Variants in CNTNAP4 observed in about 807,000 individuals in gnomAD.
CNTNAP4 encodes contactin associated protein family member 4, also known as contactin-associated protein-like 4.
CNTNAP4 carries 98 observed loss-of-function variants against 148.4 expected under a neutral mutation model. The observed-to-expected ratio is 0.66, with a 90% CI of 0.56 to 0.78. The LOEUF is 0.78. Among genes scored for constraint, CNTNAP4 ranks in the 30% least tolerant of loss-of-function variants. The pLI is 0.00. For missense variants in CNTNAP4, 1,935 were observed against 1,565.6 expected (o/e 1.24, Z -3.98); for synonymous variants, 730 against 565.1 (o/e 1.29, Z -4.14).
intron 3 of CNTNAP4, among the ~76,000 whole-genome samples, chr16:76,387,424 C>T (rs2016605846): frequency 6.6e-6 from 1 of 152,106 alleles, no homozygotes; most frequent in South Asian, 2.1e-4. Context: ...CTTTTGCAAC[C>T]AATAGTCTCT....
intron 1 of CNTNAP4, among the ~76,000 whole-genome samples, chr16:76,297,173 C>T (rs1166021977): frequency 6.6e-6 from 1 of 152,178 alleles, no homozygotes; most frequent in African/African-American, 2.4e-5. Context: ...CTTTAGAAAG[C>T]TATTTTAATT....
chr16:76,505,144 T>C (rs1470230998), intron 15 of CNTNAP4, among the ~76,000 whole-genome samples: 1 of 152,150 alleles, frequency 6.6e-6, no homozygotes, highest in Non-Finnish European at 1.5e-5. Flanking sequence ...AAAATCTATA[T>C]GCATATAGTC....
chr16:76,508,270 A>G (rs2143972518), intron 15 of CNTNAP4, among the ~76,000 whole-genome samples: 1 of 97,308 alleles, frequency 1.0e-5, no homozygotes, highest in Admixed American at 1.0e-4. Context: ...AAGTAAATAT[A>G]TACTTTTACT....
intron 2 of CNTNAP4, among the ~76,000 whole-genome samples, chr16:76,333,182 C>G (rs185628981): frequency 6.6e-6 from 1 of 152,148 alleles, no homozygotes; most frequent in Non-Finnish European, 1.5e-5. Context: ...CAGGTCAGGT[C>G]GTGCCATACC....
intron 2 of CNTNAP4, among the ~76,000 whole-genome samples, chr16:76,336,459 T>A (rs996697336): frequency 6.6e-6 from 1 of 152,168 alleles, no homozygotes; most frequent in African/African-American, 2.4e-5. Flanking sequence ...AAGAAAAAGT[T>A]ATTAAACACT....
chr16:76,332,648 G>A (rs892710844), intron 2 of CNTNAP4, among the ~76,000 whole-genome samples: 3 of 151,856 alleles, frequency 2.0e-5, no homozygotes, highest in Admixed American at 1.3e-4. Context: ...CTATCCTTCT[G>A]AGATTCCCAT....
At chr16:76,437,721 G>C (rs1046108765) in intron 4 of CNTNAP4, among the ~76,000 whole-genome samples, 4 of 152,082 alleles carry the variant, frequency 2.6e-5, no homozygotes, top group Admixed American at 2.6e-4. Flanking sequence ...TGAACCTCCA[G>C]GTAACCAGAT....
At position 76,355,445 on chromosome 16, in the gene CNTNAP4, C is replaced by T; in HGVS notation, c.324C>T (p.Ser108=). The T allele has an allele frequency of 6.2e-7, 1 of 1,613,262 alleles. No homozygotes were observed. The highest frequency in any genetic ancestry group is 2.2e-5 in the East Asian group (1 of 44,760). ...GGYGSSNWVT[S]YLLMFSDSGW... Reference sequence around the variant, plus strand: ...ATGGTAGCTCCAACTGGGTGACCAGCTACCTCCTGATGTTCAGTGATAGTG... The same window carrying T: ...ATGGTAGCTCCAACTGGGTGACCAGTTACCTCCTGATGTTCAGTGATAGTG... Residue 108 remains serine (S), a synonymous_variant, in exon 3 of 24, where the codon AGC becomes AGT. Transcript: ENST00000611870.
chr16:76,307,539 T>TATATATATAC (rs558814796), intron 1 of CNTNAP4, among the ~76,000 whole-genome samples: 3,641 of 118,880 alleles, frequency 0.031, 414 homozygotes, highest in East Asian at 0.067. Flanking sequence ...TATATATATA[T>TATATATATAC]ACCAAACTCC....
chr16:76,307,240 C>T (rs2143992515), intron 1 of CNTNAP4, among the ~76,000 whole-genome samples: 1 of 151,946 alleles, frequency 6.6e-6, no homozygotes, highest in Middle Eastern at 3.4e-3. Context: ...TAATGACAGA[C>T]AATTTGCAGG....
intron 3 of CNTNAP4, among the ~76,000 whole-genome samples, chr16:76,401,243 A>G (rs569746536): frequency 6.6e-6 from 1 of 152,056 alleles, no homozygotes; most frequent in Non-Finnish European, 1.5e-5. Flanking sequence ...CTCATTGTAG[A>G]GATCTTTTGC....
intron 15 of CNTNAP4, among the ~76,000 whole-genome samples, chr16:76,500,250 G>A (rs905259827): frequency 5.3e-5 from 8 of 152,098 alleles, no homozygotes; most frequent in Non-Finnish European, 8.8e-5. Context: ...CCTTCCGGAC[G>A]GGGCGGCTGG....
intron 3 of CNTNAP4, among the ~76,000 whole-genome samples, chr16:76,387,089 C>T (rs1396689670): frequency 6.6e-6 from 1 of 152,034 alleles, no homozygotes; most frequent in East Asian, 1.9e-4. Context: ...TGATTTCAGC[C>T]CAGTGAAACC....
At chr16:76,314,661 A>G (rs1961510793) in intron 1 of CNTNAP4, among the ~76,000 whole-genome samples, 1 of 152,196 alleles carries the variant, frequency 6.6e-6, no homozygotes, top group Admixed American at 6.5e-5. Context: ...AACGTTATCA[A>G]TCGGTTCCCT....
rs181322962 is a variant in CNTNAP4 at position 76,492,594 on chromosome 16, C to T, written c.2081-2316C>T. On this transcript the variant is annotated intron_variant, in intron 13 of 23. Coordinates refer to ENST00000611870, the MANE Select transcript of CNTNAP4 (RefSeq NM_033401.5). Reference sequence around the variant, plus strand: ...TCACCTTGAATTGTAATAATCCTCACGTGTCAAGGGCGGGGCCAGATGGAG... The same window carrying T: ...TCACCTTGAATTGTAATAATCCTCATGTGTCAAGGGCGGGGCCAGATGGAG... 3.4e-4 allele frequency among the ~76,000 whole-genome samples: 51 copies of T among 152,216 alleles called. No individual in the cohort carries two copies. The East Asian group carries it at 7.0e-3, about 21-fold the overall frequency.
intron 7 of CNTNAP4, 75 bp downstream of exon 7, chr16:76,449,933 G>T: frequency 7.5e-7 from 1 of 1,331,480 alleles, no homozygotes; most frequent in Non-Finnish European, 1.0e-6. Flanking sequence ...TCCATTTTAG[G>T]TTCCCATTTG....
At chr16:76,501,343 C>G (rs1266946272) in intron 15 of CNTNAP4, among the ~76,000 whole-genome samples, 3 of 152,198 alleles carry the variant, frequency 2.0e-5, no homozygotes, top group African/African-American at 7.2e-5. Flanking sequence ...CTTAACCCTG[C>G]AGGGACCCAG....
intron 1 of CNTNAP4, among the ~76,000 whole-genome samples, chr16:76,313,666 C>CT (rs1355001329): frequency 2.0e-5 from 3 of 152,242 alleles, no homozygotes; most frequent in African/African-American, 7.2e-5. Context: ...AAAAAGTAGA[C>CT]TTTGAATGAA....
intron 2 of CNTNAP4, among the ~76,000 whole-genome samples, chr16:76,349,537 A>G (rs1050178284): frequency 5.3e-5 from 8 of 152,186 alleles, no homozygotes; most frequent in Non-Finnish European, 1.2e-4. Flanking sequence ...CCAAACAAAT[A>G]TTGGTACCAC....
Sources: gnomAD v4.1 joint callset for allele counts (sites outside exome capture counted in the v4.1 genomes callset) on GRCh38, gnomAD v4.1.1 for gene constraint, MANE v1.5 for transcripts, NCBI Gene and HGNC (gene_info 2026-07-23, HGNC 2026-07-21) for gene names.